The following CDH13 variants were observed in gnomAD, a reference collection of about 807,000 sequenced individuals.
CDH13 encodes cadherin 13.
Under a neutral mutation model 63.8 loss-of-function variants are expected in CDH13, and 24 were observed. That is an observed-to-expected ratio of 0.38 (90% confidence interval 0.27 to 0.53). CDH13 has a LOEUF of 0.53. Ranked by LOEUF, CDH13 falls within the 20% of genes least tolerant of loss-of-function variation. The probability of loss-of-function intolerance (pLI) is 0.85; values close to 1 mark genes in which losing one functional copy is unlikely to be tolerated. For synonymous variants in CDH13, 503 were observed against 355.3 expected (o/e 1.42, Z -4.67); for missense variants, 1,049 against 903.1 (o/e 1.16, Z -2.07).
chr16:83,057,124 A>C (rs1214811125), intron 3 of CDH13, among the ~76,000 whole-genome samples: 1 of 151,878 alleles, frequency 6.6e-6, no homozygotes, highest in African/African-American at 2.4e-5. Flanking sequence ...GTGCCACCAC[A>C]CCCAGCTAAT....
At chr16:83,149,027 G>C (rs905578877) in intron 4 of CDH13, among the ~76,000 whole-genome samples, 1 of 152,164 alleles carries the variant, frequency 6.6e-6, no homozygotes, top group African/African-American at 2.4e-5. Flanking sequence ...AGAATTGACT[G>C]TACTTGAATG....
chr16:82,890,526 T>C (rs2041043105), intron 2 of CDH13, among the ~76,000 whole-genome samples: 1 of 152,218 alleles, frequency 6.6e-6, no homozygotes, highest in African/African-American at 2.4e-5. Flanking sequence ...GATGAAATTA[T>C]TCCATCAGGA....
chr16:83,362,495 C>T (rs946188315), intron 6 of CDH13, among the ~76,000 whole-genome samples: 2 of 152,218 alleles, frequency 1.3e-5, no homozygotes, highest in Non-Finnish European at 2.9e-5. Flanking sequence ...AGCAAGCCAT[C>T]ATGGCTCACC....
intron 3 of CDH13, among the ~76,000 whole-genome samples, chr16:83,069,820 C>T (rs1440064820): frequency 6.6e-6 from 1 of 152,288 alleles, no homozygotes; most frequent in East Asian, 1.9e-4. Flanking sequence ...GGCTCTGTCT[C>T]TCACAAGGGC....
chr16:83,771,696 G>A (rs1914772098), intron 11 of CDH13, among the ~76,000 whole-genome samples: 1 of 152,226 alleles, frequency 6.6e-6, no homozygotes, highest in African/African-American at 2.4e-5. Context: ...AACATTTGTA[G>A]GTTGGAGATC....
intron 12 of CDH13, among the ~76,000 whole-genome samples, chr16:83,782,727 C>A (rs1308438668): frequency 6.9e-6 from 1 of 144,004 alleles, no homozygotes; most frequent in Admixed American, 7.3e-5. Context: ...CAGAGTGAGA[C>A]CCTGTCTCGA....
intron 2 of CDH13, among the ~76,000 whole-genome samples, chr16:82,966,269 C>T (rs185454026): frequency 1.6e-4 from 24 of 152,246 alleles, no homozygotes; most frequent in Admixed American, 6.5e-4. Context: ...CTGCCTCAGC[C>T]TCCCGAGTAG....
At chr16:83,029,978 C>G (rs1036540459) in intron 2 of CDH13, among the ~76,000 whole-genome samples, 1 of 152,168 alleles carries the variant, frequency 6.6e-6, no homozygotes, top group Admixed American at 6.5e-5. Context: ...GGCAGACAGG[C>G]AAATGCATGC....
chr16:83,031,964 T>C, intron 2 of CDH13, 46 bp from the exon 3 acceptor site: 1 of 1,452,694 alleles, frequency 6.9e-7, no homozygotes, highest in Non-Finnish European at 9.5e-7. Flanking sequence ...AGAGATAAGC[T>C]GCCCAACCTA....
intron 8 of CDH13, among the ~76,000 whole-genome samples, chr16:83,669,883 C>A (rs1914350046): frequency 6.6e-6 from 1 of 152,212 alleles, no homozygotes; most frequent in Admixed American, 6.5e-5. Context: ...AAACACATTA[C>A]TATTCACCTG....
intron 8 of CDH13, among the ~76,000 whole-genome samples, chr16:83,649,953 A>G (rs1319263980): frequency 6.6e-6 from 1 of 152,138 alleles, no homozygotes; most frequent in Non-Finnish European, 1.5e-5. Context: ...ATGACATGCC[A>G]TTTTTTCTTC....
At chr16:83,410,055 A>G (rs1220427744) in intron 6 of CDH13, among the ~76,000 whole-genome samples, 1 of 152,156 alleles carries the variant, frequency 6.6e-6, no homozygotes, top group Non-Finnish European at 1.5e-5. Flanking sequence ...AACTGGTGAA[A>G]AGGTCCCTGA....
chr16:83,281,125 A>C (rs370757438), intron 5 of CDH13, among the ~76,000 whole-genome samples: 25 of 152,216 alleles, frequency 1.6e-4, no homozygotes, highest in East Asian at 7.7e-4. Context: ...TCTTCTTTCA[A>C]TTGAAGGCTG....
intron 1 of CDH13, among the ~76,000 whole-genome samples, chr16:82,856,105 G>C (rs867898486): frequency 1.3e-5 from 2 of 152,036 alleles, no homozygotes; most frequent in African/African-American, 2.4e-5. Flanking sequence ...GGCCGGGCAC[G>C]GTGGCTCACA....
intron 4 of CDH13, among the ~76,000 whole-genome samples, chr16:83,197,165 G>T (rs936824780): frequency 6.6e-6 from 1 of 152,092 alleles, no homozygotes; most frequent in Non-Finnish European, 1.5e-5. Context: ...GAATTATGCT[G>T]AATGAAAATG....
At chr16:83,772,336 G>T (rs1914814189) in intron 11 of CDH13, among the ~76,000 whole-genome samples, 1 of 152,156 alleles carries the variant, frequency 6.6e-6, no homozygotes, top group African/African-American at 2.4e-5. Flanking sequence ...AGGCTGGAAA[G>T]GACCAGTGGT....
chr16:83,231,034 G>T (rs145514539), intron 5 of CDH13, among the ~76,000 whole-genome samples: 12 of 152,100 alleles, frequency 7.9e-5, no homozygotes, highest in African/African-American at 2.4e-4. Context: ...TCTGACCTTC[G>T]CCCAGCTCTC....
chr16:83,273,286 C>G (rs76050303), intron 5 of CDH13, among the ~76,000 whole-genome samples: 15,096 of 152,054 alleles, frequency 0.099, 1,073 homozygotes, highest in Non-Finnish European at 0.15. Flanking sequence ...CATCCACGTA[C>G]TAAGCATAAT....
At chr16:82,667,468 T>C (rs1385436477) in intron 1 of CDH13, among the ~76,000 whole-genome samples, 1 of 152,226 alleles carries the variant, frequency 6.6e-6, no homozygotes, top group African/African-American at 2.4e-5. Context: ...CCATCTGCTA[T>C]TGGCCATATG....
Sources: gnomAD v4.1 joint callset for allele counts (sites outside exome capture counted in the v4.1 genomes callset) on GRCh38, gnomAD v4.1.1 for gene constraint, MANE v1.5 for transcripts, NCBI Gene and HGNC (gene_info 2026-07-23, HGNC 2026-07-21) for gene names.